Variants in BCAM observed in about 807,000 individuals in gnomAD.
BCAM encodes the protein basal cell adhesion molecule (Lutheran blood group), also known as basal cell adhesion molecule.
Under a neutral mutation model 72.4 loss-of-function variants are expected in BCAM, and 61 were observed. That is an observed-to-expected ratio of 0.84 (90% CI 0.69 to 1.04). BCAM has a LOEUF of 1.04. Ranked by LOEUF, BCAM falls within the 50% of genes least tolerant of loss-of-function variation. The pLI, the probability that BCAM is intolerant of heterozygous loss-of-function variation, is 0.00. For synonymous variants in BCAM, 408 were observed against 384.2 expected (o/e 1.06, Z -0.73); for missense variants, 909 against 895.0 (o/e 1.02, Z -0.20).
At chr19:44,809,233 G>T (rs576255497) in intron 1 of BCAM, 27 bp downstream of exon 1, 2 of 1,414,158 alleles carry the variant, frequency 1.4e-6, no homozygotes, top group East Asian at 6.1e-5. Context: ...GGGCAAGGTG[G>T]GACTGGGGAG....
chr19:44,812,960 A>T lies in BCAM; in HGVS notation c.505-290A>T. ...GCAATACTCCGTCTCAAAAAAAAAAAAAAAAAGAAGAAGAAAAGAAAAAAG... is the reference window on the plus strand; with the variant it reads ...GCAATACTCCGTCTCAAAAAAAAAATAAAAAAGAAGAAGAAAAGAAAAAAG... On this transcript the variant is annotated intron_variant, in intron 4 of 14. Coordinates refer to ENST00000270233, the MANE Select transcript of BCAM (RefSeq NM_005581.5). The surrounding 1 kb of genome is among the most constrained non-coding windows in gnomAD (Gnocchi z 5.3). 2.3e-6 allele frequency: 1 copy of T among 437,914 alleles called. No individual in the cohort carries two copies. Among genetic ancestry groups the T allele is most frequent in the Non-Finnish European group, 4.0e-6 (1 of 248,394 alleles). 27.1% of individuals were successfully genotyped at this position (437,914 alleles called of 1,614,324 possible).
In BCAM at chr19:44,812,272, A is replaced by T; in HGVS notation, c.314A>T (p.Asp105Val). 1 of 1,610,180 alleles carries T rather than the reference A, an allele frequency of 6.2e-7. No individual in the cohort carries two copies. Among genetic ancestry groups the T allele is most frequent in the Admixed American group, 1.7e-5 (1 of 59,254 alleles). Residue 105 changes from aspartate (D) to valine (V), a missense_variant, in exon 3 of 15, where the codon GAC (aspartate) becomes GTC (valine). Coordinates refer to ENST00000270233, the MANE Select transcript of BCAM (RefSeq NM_005581.5). This position sits in a 1 kb window ranked among gnomAD's most constrained non-coding sequence, Gnocchi z 5.3. ...TRGRSPPYQL[D>V]SQGRLVLAEA... ...GGCCGCAGTCCCCCATACCAGCTGG[A>T]CTCCCAGGGGCGCCTGGTGCTGGCT...
chr19:44,809,083 C>T (rs975444439), upstream of BCAM: 82 of 1,327,846 alleles, frequency 6.2e-5, no homozygotes, highest in Admixed American at 6.1e-4. Flanking sequence ...CCCGCAGCGG[C>T]CGAGCTGCAG....
chr19:44,813,231 A>G lies in BCAM; in HGVS notation c.505-19A>G. 2 of 1,613,548 alleles carry G rather than the reference A, an allele frequency of 1.2e-6. No individual in the cohort carries two copies. The highest frequency in any genetic ancestry group is 4.5e-5 in the East Asian group (2 of 44,882). On this transcript the variant is annotated intron_variant, in intron 4 of 14. Coordinates refer to ENST00000270233, the MANE Select transcript of BCAM (RefSeq NM_005581.5). The surrounding 1 kb of genome is among the most constrained non-coding windows in gnomAD (Gnocchi z 4.2). ...GAGTCCCAGCTCCAAGCCCAGGGCC[A>G]TGCCCGTGTCTGCCTCAGATCGCCA...
chr19:44,820,675 A>G, intron 13 of BCAM, 30 bp from the exon 14 acceptor site: 2 of 1,374,542 alleles, frequency 1.5e-6, no homozygotes, highest in Non-Finnish European at 9.4e-7. Context: ...CTCCAACACG[A>G]CGCCTCCGCC....
chr19:44,809,078 A>T, upstream of BCAM: 1 of 1,303,552 alleles, frequency 7.7e-7, no homozygotes, highest in Non-Finnish European at 9.8e-7. Flanking sequence ...CCAGCCCCGC[A>T]GCGGCCGAGC....
Position 44,814,171 on chromosome 19 carries a change from G to A in BCAM, c.804G>A (p.Gln268=), listed in dbSNP as rs553748543. 2 of 1,586,240 alleles carry A rather than the reference G, an allele frequency of 1.3e-6. No homozygotes were observed. The highest frequency in any genetic ancestry group is 2.7e-5 in the African/African-American group (2 of 74,096). The change falls in exon 7 of 15, where the codon CAG becomes CAA. Residue 268 remains glutamine (Q), a synonymous_variant. Transcript: ENST00000270233. This position sits in a 1 kb window ranked among gnomAD's most constrained non-coding sequence, Gnocchi z 4.6. The stretch of plus-strand genomic sequence containing the variant: ...CCTTAGATCCCACGGAGCACGTGCA[G>A]TTCTGGGTGGGCAGCCCGTCCACCC... ...LTLHYPTEHV[Q]FWVGSPSTPA...
rs759819008 is a variant in BCAM at position 44,818,605 on chromosome 19, G to A, written c.1162G>A (p.Gly388Ser). Residue 388 changes from glycine to serine, a missense_variant, in exon 9 of 15, where the codon GGC becomes AGC. Coordinates refer to ENST00000270233, the MANE Select transcript of BCAM (RefSeq NM_005581.5). The surrounding 1 kb of genome is among the most constrained non-coding windows in gnomAD (Gnocchi z 4.6). ...TGCAGTCGTGAACTGCTCCGTGCAC[G>A]GCCTGCCCACCCCTGCCCTACGCTG... Reference protein sequence around the residue: ...SSAVVNCSVHGLPTPALRWTK... With the variant: ...SSAVVNCSVHSLPTPALRWTK... 4.3e-6 allele frequency: 7 copies of A among 1,613,838 alleles called. No homozygotes were observed. Among genetic ancestry groups the A allele is most frequent in the South Asian group, 2.2e-5 (2 of 91,082 alleles).
chr19:44,819,189 C>T lies in BCAM; in HGVS notation c.1470C>T (p.Gly490=). The T allele has an allele frequency of 1.2e-6, 2 of 1,614,016 alleles. No homozygotes were observed. The highest frequency in any genetic ancestry group is 1.3e-5 in the African/African-American group (1 of 75,012). Reference sequence around the variant, plus strand: ...AACTCAGCTGGAGCCAATTGGGGGGCAGCGTAAGGGACCTTCCTCTCCACC... The same window carrying T: ...AACTCAGCTGGAGCCAATTGGGGGGTAGCGTAAGGGACCTTCCTCTCCACC... ...DPKLSWSQLG[G]SPAEPIPGRQ... Residue 490 remains glycine, a synonymous_variant, in exon 11 of 15, where the codon GGC becomes GGT. Coordinates refer to ENST00000270233, the MANE Select transcript of BCAM (RefSeq NM_005581.5).
At chr19:44,810,026 A>C (rs981552491) in intron 1 of BCAM, among the ~76,000 whole-genome samples, 12 of 152,236 alleles carry the variant, frequency 7.9e-5, no homozygotes, top group African/African-American at 2.9e-4. Context: ...GGCTGGGGCC[A>C]GAGGTGAGCG....
rs1185227093 is a variant in BCAM, at chr19:44,809,697, G to A, written c.82+491G>A. ...ACACCAGCGATCCACATGTATTTAG[G>A]AGTTTCCAGAGTCCAGTATAAAGAA... is the stretch of plus-strand genomic sequence containing the variant. On this transcript the variant is annotated intron_variant, in intron 1 of 14. Transcript: ENST00000270233. Among the ~76,000 whole-genome samples, 3 of 152,102 alleles carry A rather than the reference G, an allele frequency of 2.0e-5. No individual in the cohort carries two copies. The East Asian group carries it at 5.8e-4, about 29-fold the overall frequency.
Position 44,821,244 on chromosome 19 carries a change from T to G in BCAM, c.*323T>G. On this transcript the variant is annotated 3_prime_UTR_variant, in exon 15 of 15. Transcript: ENST00000270233. ...AGGGTCGGCTGGCCGGAGCTATTTTTACCTCCCGCCTCCCCTGCTGGTCCC... is the reference window on the plus strand; with the variant it reads ...AGGGTCGGCTGGCCGGAGCTATTTTGACCTCCCGCCTCCCCTGCTGGTCCC... 1 of 331,060 alleles carries G rather than the reference T, an allele frequency of 3.0e-6. No individual in the cohort carries two copies. The highest frequency in any genetic ancestry group is 5.5e-6 in the Non-Finnish European group (1 of 181,530). 20.5% of individuals were successfully genotyped at this position (331,060 alleles called of 1,614,324 possible).
Position 44,819,618 on chromosome 19 carries a change from T to C in BCAM, c.1655T>C (p.Met552Thr), listed in dbSNP as rs1399378004. The C allele has an allele frequency of 6.2e-7, 1 of 1,613,420 alleles. No individual in the cohort carries two copies. Among genetic ancestry groups the C allele is most frequent in the African/African-American group, 1.3e-5 (1 of 74,876 alleles). Reference protein sequence around the residue: ...PQTSQAGVAVMAVAVSVGLLL... With the variant: ...PQTSQAGVAVTAVAVSVGLLL... ...ACCTCCCAGGCTGGAGTGGCCGTCA[T>C]GGCCGTGGCCGTCAGCGTGGGCCTC... is the stretch of plus-strand genomic sequence containing the variant. Residue 552 changes from methionine (M) to threonine (T), a missense_variant, in exon 13 of 15, where the codon ATG becomes ACG. Coordinates refer to ENST00000270233, the MANE Select transcript of BCAM (RefSeq NM_005581.5).
At position 44,819,120 on chromosome 19, in the gene BCAM, C is replaced by G. The variant is rs28399631; in HGVS notation, c.1401C>G (p.Asp467Glu). 5.4e-5 allele frequency: 87 copies of G among 1,613,992 alleles called. No individual in the cohort carries two copies. The highest frequency in any genetic ancestry group is 3.6e-4 in the East Asian group (16 of 44,888). ...CAGATGGCAGCTGGAGGGAAGGAGA[C>G]GAAGTCACACTCATCTGCTCTGCCC... ...PKADGSWREG[D>E]EVTLICSARG... Residue 467 changes from aspartate (D) to glutamate (E), a missense_variant, in exon 11 of 15, where the codon GAC (aspartate) becomes GAG (glutamate). Asp to Glu is a conservative substitution (Grantham distance 45, BLOSUM62 2). Transcript: ENST00000270233.
Position 44,814,109 on chromosome 19 carries a change from C to CCTT in BCAM, c.785-41_785-39dup, listed in dbSNP as rs758631508. 29 of 1,547,646 alleles carry CCTT rather than the reference C, an allele frequency of 1.9e-5. No homozygotes were observed. The highest frequency in any genetic ancestry group is 1.7e-4 in the Middle Eastern group (1 of 5,864). ...CTCTCGCCTGTCCTCTAGCCTTGAC[C>CCTT]CTTCCCCTGATCACAATTCCCATCT... is the stretch of plus-strand genomic sequence containing the variant. On this transcript the variant is annotated intron_variant, in intron 6 of 14. Transcript: ENST00000270233. This position sits in a 1 kb window ranked among gnomAD's most constrained non-coding sequence, Gnocchi z 4.6.
Position 44,809,122 on chromosome 19 carries a change from A to C in BCAM, c.-3A>C, listed in dbSNP as rs1486227733. 6 of 1,441,858 alleles carry C rather than the reference A, an allele frequency of 4.2e-6. No homozygotes were observed. The highest frequency in any genetic ancestry group is 3.6e-6 in the Non-Finnish European group (4 of 1,099,334). 89.3% of individuals were successfully genotyped at this position (1,441,858 alleles called of 1,614,324 possible). On this transcript the variant is annotated 5_prime_UTR_variant, in exon 1 of 15. Transcript: ENST00000270233. ...GGGCTCAGTCTCCGCCGCCGCCGTG[A>C]ACATGGAGCCCCCGGACGCACCGGC...
In BCAM at chr19:44,811,362, T is replaced by G; in HGVS notation, c.204+16T>G. 1 of 1,611,708 alleles carries G rather than the reference T, an allele frequency of 6.2e-7. No individual in the cohort carries two copies. The highest frequency in any genetic ancestry group is 1.1e-5 in the South Asian group (1 of 91,028). Reference sequence around the variant, plus strand: ...ATGGTTCCTTGTGAGTGCTTGGGGCTGGGGGGCCTGGAGTCAGGGCACAGC... The same window carrying G: ...ATGGTTCCTTGTGAGTGCTTGGGGCGGGGGGGCCTGGAGTCAGGGCACAGC... On this transcript the variant is annotated intron_variant, in intron 2 of 14. Coordinates refer to ENST00000270233, the MANE Select transcript of BCAM (RefSeq NM_005581.5).
chr19:44,821,295 C>A lies in BCAM; in HGVS notation c.*374C>A. 1 of 242,486 alleles carries A rather than the reference C, an allele frequency of 4.1e-6. No homozygotes were observed. The highest frequency in any genetic ancestry group is 7.9e-6 in the Non-Finnish European group (1 of 125,974). The allele number at this position is 242,486 out of a possible 1,614,324, so 15.0% of individuals were successfully genotyped here. On this transcript the variant is annotated 3_prime_UTR_variant, in exon 15 of 15. Coordinates refer to ENST00000270233, the MANE Select transcript of BCAM (RefSeq NM_005581.5). ...CCCACCTGACGTCTTGCTGCAGAGT[C>A]TGACACTGGATTCCCCCCCCTCACC... is the stretch of plus-strand genomic sequence containing the variant.
At position 44,811,487 on chromosome 19, in the gene BCAM, G is replaced by A. The variant is rs1335226383; in HGVS notation, c.204+141G>A. ...GATGGGGTCACTGAGTCCCACTGAG[G>A]GGAAGGGATCTGCAAGGTGCCCCGT... On this transcript the variant is annotated intron_variant, in intron 2 of 14. Coordinates refer to ENST00000270233, the MANE Select transcript of BCAM (RefSeq NM_005581.5). 1.0e-5 allele frequency: 15 copies of A among 1,429,450 alleles called. No homozygotes were observed. In the South Asian group the frequency reaches 1.4e-4, roughly 13 times the overall value. 88.5% of individuals were successfully genotyped at this position (1,429,450 alleles called of 1,614,324 possible).
Sources: gnomAD v4.1 joint callset for allele counts (sites outside exome capture counted in the v4.1 genomes callset) on GRCh38, gnomAD v4.1.1 for gene constraint, Gnocchi (gnomAD v3.1) non-coding constraint, MANE v1.5 for transcripts, NCBI Gene and HGNC (gene_info 2026-07-23, HGNC 2026-07-21) for gene names.